Variants in SNX13 observed in about 807,000 individuals in gnomAD.
SNX13 encodes the protein sorting nexin-13.
In SNX13, 45 loss-of-function variants were observed where a neutral mutation model predicts 133.6. That is an observed-to-expected ratio of 0.34 (90% CI 0.27 to 0.43). The LOEUF is 0.43. SNX13 is among the 20% of genes least tolerant of loss of function. The pLI is 1.00. For missense variants in SNX13, 1,032 were observed against 1,145.1 expected (o/e 0.90, Z 1.43); for synonymous variants, 414 against 373.9 (o/e 1.11, Z -1.24).
At chr7:17,938,338 G>A (rs773329580) in intron 1 of SNX13, among the ~76,000 whole-genome samples, 14 of 152,160 alleles carry the variant, frequency 9.2e-5, no homozygotes, top group Non-Finnish European at 1.8e-4. Context: ...CTGAGAGTTA[G>A]GAGATGAGAT....
At chr7:17,841,515 A>C (rs1789872837) in intron 12 of SNX13, among the ~76,000 whole-genome samples, 2 of 144,612 alleles carry the variant, frequency 1.4e-5, no homozygotes, top group Non-Finnish European at 3.0e-5. Flanking sequence ...TGATTTCCAG[A>C]GTTACTACAT....
rs1783736406 is a variant in SNX13 at position 17,793,436 on chromosome 7, T to C, written c.*609A>G. 6.6e-6 allele frequency: 1 copy of C among 151,738 alleles called. No individual in the cohort carries two copies. Among genetic ancestry groups the C allele is most frequent in the Non-Finnish European group, 1.5e-5 (1 of 67,792 alleles). 9.4% of individuals were successfully genotyped at this position (151,738 alleles called of 1,614,324 possible). A position where few individuals can be genotyped will look rare whatever the true frequency, so the allele number is the denominator to read the frequency against. Reference sequence around the variant, plus strand: ...CCAATCAAATTCTGTGTTTGATTGGTTTTATTTTATACTCAGCTTTATTTT... The same window carrying C: ...CCAATCAAATTCTGTGTTTGATTGGCTTTATTTTATACTCAGCTTTATTTT... On this transcript the variant is annotated 3_prime_UTR_variant, in exon 26 of 26. Coordinates refer to ENST00000428135, the MANE Select transcript of SNX13 (RefSeq NM_015132.5).
At chr7:17,845,395 TGGTG>T (rs1474789139) in intron 12 of SNX13, among the ~76,000 whole-genome samples, 196 bp downstream of exon 12, 9 of 152,102 alleles carry the variant, frequency 5.9e-5, no homozygotes, top group Non-Finnish European at 1.3e-4. Flanking sequence ...TGGAGAGAGT[TGGTG>T]TTTAATGAGT....
chr7:17,801,009 CATATATATATAT>C (rs71010273), intron 22 of SNX13, among the ~76,000 whole-genome samples: 199 of 120,154 alleles, frequency 1.7e-3, no homozygotes, highest in Admixed American at 3.6e-3. Flanking sequence ...TAAAACTGAA[CATATATATATAT>C]ATATATATAT....
At chr7:17,832,330 A>T (rs1267817496) in intron 15 of SNX13, 1 of 984,476 alleles carries the variant, frequency 1.0e-6, no homozygotes, top group Non-Finnish European at 1.2e-6. Flanking sequence ...CATTTAAAGG[A>T]CTGGAAGCAT....
chr7:17,935,410 T>A (rs572492150), intron 1 of SNX13, among the ~76,000 whole-genome samples: 3 of 152,178 alleles, frequency 2.0e-5, no homozygotes, highest in Non-Finnish European at 4.4e-5. Flanking sequence ...AAGTTTCAGA[T>A]AGATAGAAGG....
chr7:17,850,768 T>C, intron 10 of SNX13, 58 bp downstream of exon 10: 1 of 1,323,956 alleles, frequency 7.6e-7, no homozygotes. Context: ...TTAATCAAAG[T>C]TTTGAAGATA....
At chr7:17,837,361 A>G (rs1394153709) in intron 13 of SNX13, among the ~76,000 whole-genome samples, 1 of 151,916 alleles carries the variant, frequency 6.6e-6, no homozygotes. Context: ...GCTGGTCTCA[A>G]ACTCCTGGCC....
intron 1 of SNX13, among the ~76,000 whole-genome samples, chr7:17,919,454 T>C (rs1434692890): frequency 6.6e-6 from 1 of 152,204 alleles, no homozygotes; most frequent in Non-Finnish European, 1.5e-5. Context: ...TTTCATACCA[T>C]ACAGTTCAGT....
chr7:17,877,233 A>G (rs939469490), intron 5 of SNX13, among the ~76,000 whole-genome samples: 7 of 152,082 alleles, frequency 4.6e-5, no homozygotes, highest in African/African-American at 1.7e-4. Flanking sequence ...TAAGCTCAGT[A>G]ATCCGAGGAT....
intron 2 of SNX13, among the ~76,000 whole-genome samples, chr7:17,893,962 A>G (rs1796926105): frequency 7.8e-6 from 1 of 128,426 alleles, no homozygotes; most frequent in Admixed American, 7.8e-5. Flanking sequence ...ACAGATCAAG[A>G]CTGTCTCGAA....
intron 17 of SNX13, among the ~76,000 whole-genome samples, chr7:17,822,396 T>C (rs1562702551): frequency 6.6e-6 from 1 of 152,154 alleles, no homozygotes; most frequent in Non-Finnish European, 1.5e-5. Context: ...TCTCCAAAAG[T>C]TAATAGTGAG....
chr7:17,849,660 T>C (rs1369199756), intron 11 of SNX13, among the ~76,000 whole-genome samples: 3 of 152,152 alleles, frequency 2.0e-5, no homozygotes, highest in Admixed American at 6.5e-5. Context: ...CCTAGCACAA[T>C]AGCTCATTCA....
intron 15 of SNX13, chr7:17,830,708 C>T (rs1392386117): frequency 1.0e-6 from 1 of 978,798 alleles, no homozygotes; most frequent in Non-Finnish European, 1.2e-6. Flanking sequence ...AATCTTTTCC[C>T]TTAGAGTTCT....
At chr7:17,867,512 C>T (rs181300846) in intron 9 of SNX13, among the ~76,000 whole-genome samples, 6 of 151,876 alleles carry the variant, frequency 4.0e-5, no homozygotes, top group East Asian at 1.9e-4. Flanking sequence ...GAGGCTGAAG[C>T]GGGAGGATCA....
chr7:17,928,752 G>A (rs1662142439), intron 1 of SNX13, among the ~76,000 whole-genome samples: 1 of 152,108 alleles, frequency 6.6e-6, no homozygotes, highest in South Asian at 2.1e-4. Flanking sequence ...TCTAAAGTTA[G>A]CAACAACTCA....
intron 12 of SNX13, among the ~76,000 whole-genome samples, chr7:17,840,349 TCAAAC>T (rs996497688): frequency 1.3e-5 from 2 of 152,032 alleles, no homozygotes; most frequent in Non-Finnish European, 2.9e-5. Context: ...AAATGACTCT[TCAAAC>T]CATATATTTA....
chr7:17,868,454 T>G lies in SNX13; in HGVS notation c.790A>C (p.Asn264His). ...LARGILLPLI[N>H]QLSDPDYINQ... ...ATATAATCAGGATCACTGAGTTGATTTATTAATGGAAGAAGAATTCCTCGT... is the reference window on the plus strand; with the variant it reads ...ATATAATCAGGATCACTGAGTTGATGTATTAATGGAAGAAGAATTCCTCGT... The change falls in exon 9 of 26, where the codon AAT (asparagine) becomes CAT (histidine). Residue 264 changes from asparagine (N) to histidine (H), a missense_variant. By Grantham distance (68) the Asn-to-His change is moderately conservative. Transcript: ENST00000428135. 6.2e-7 allele frequency: 1 copy of G among 1,610,208 alleles called. No homozygotes were observed.
At chr7:17,934,557 T>A (rs1801812843) in intron 1 of SNX13, among the ~76,000 whole-genome samples, 1 of 152,028 alleles carries the variant, frequency 6.6e-6, no homozygotes, top group African/African-American at 2.4e-5. Context: ...GGCCCAGAGA[T>A]AACAAAAACA....
Sources: allele counts gnomAD v4.1 joint callset (sites outside exome capture counted in the v4.1 genomes callset), GRCh38; gene constraint gnomAD v4.1.1; transcripts MANE v1.5; gene names NCBI Gene and HGNC (gene_info 2026-07-23, HGNC 2026-07-21).